The following INTS11 variants were observed in gnomAD, a reference collection of about 807,000 sequenced individuals.
The protein encoded by INTS11 is integrator complex subunit 11.
INTS11 carries 77 observed loss-of-function variants against 78.6 expected under a neutral mutation model. That is an observed-to-expected ratio of 0.98 (90% CI 0.81 to 1.18). The LOEUF (loss-of-function observed/expected upper bound fraction) is 1.18, where lower values mean the gene tolerates loss of function less well. Ranked by LOEUF, INTS11 falls within the 50% of genes most tolerant of loss-of-function variation. INTS11 has a pLI of 0.00. For missense variants in INTS11, 875 were observed against 825.9 expected, an observed-to-expected ratio of 1.06 and a Z score of -0.73; for synonymous variants, 441 against 326.9, an observed-to-expected ratio of 1.35 and a Z score of -3.77.
At chr1:1,315,668 G>A (rs771305243) in intron 4 of INTS11, 50 bp from the exon 5 acceptor site, 34 of 1,312,172 alleles carry the variant, frequency 2.6e-5, no homozygotes, top group Admixed American at 1.8e-4. Flanking sequence ...GCAGAGGGGC[G>A]GGGAGTGAGG....
At position 1,312,844 on chromosome 1, in the gene INTS11, C is replaced by T; in HGVS notation, c.1237G>A (p.Val413Met). The T allele has an allele frequency of 1.2e-6, 2 of 1,612,054 alleles. No individual in the cohort carries two copies. The highest frequency in any genetic ancestry group is 1.7e-6 in the Non-Finnish European group (2 of 1,179,814). The part of the protein sequence containing the change: ...GQAEPESVLL[V>M]HGEAKKMEFL... The stretch of plus-strand genomic sequence containing the variant: ...TCCATCTTCTTGGCCTCGCCATGCA[C>T]CAGCAGCACGCTCTCCGGCTCTGCC... The change falls in exon 12 of 17, where the codon GTG (valine) becomes ATG (methionine). Residue 413 changes from valine to methionine, a missense_variant. Coordinates refer to ENST00000435064, the MANE Select transcript of INTS11 (RefSeq NM_017871.6).
chr1:1,312,213 G>GGGGGGGGGGGGGGGC lies in INTS11; in HGVS notation c.1607+12_1607+13insGCCCCCCCCCCCCCC. ...CCCAAGGGAGTGGGGGGGGGGCGGG[G>GGGGGGGGGGGGGGGC]CCGGGCGCCCACCTCTTGAGGTGGC... is the stretch of plus-strand genomic sequence containing the variant. On this transcript the variant is annotated intron_variant, in intron 15 of 16. Transcript: ENST00000435064. 2.1e-5 allele frequency: 20 copies of GGGGGGGGGGGGGGGC among 934,618 alleles called. No homozygotes were observed. Among genetic ancestry groups the GGGGGGGGGGGGGGGC allele is most frequent in the South Asian group, 4.5e-5 (3 of 67,392 alleles). The allele number at this position is 934,618 out of a possible 1,614,324, so 57.9% of individuals were successfully genotyped here.
At chr1:1,311,977 A>G in intron 16 of INTS11, 41 bp downstream of exon 16, 1 of 1,597,482 alleles carries the variant, frequency 6.3e-7, no homozygotes, top group Non-Finnish European at 8.5e-7. Context: ...AGGAATGTTG[A>G]TACCTGTGTT....
intron 8 of INTS11, 39 bp from the exon 9 acceptor site, chr1:1,313,960 G>A: frequency 6.3e-7 from 1 of 1,591,000 alleles, no homozygotes; most frequent in Non-Finnish European, 8.6e-7. Flanking sequence ...TGGCCACAGG[G>A]GAGAATGCTG....
chr1:1,323,271 C>T (rs939824597), intron 1 of INTS11: 22 of 1,550,080 alleles, frequency 1.4e-5, no homozygotes, highest in South Asian at 2.4e-5. Context: ...GGTTCCAGGA[C>T]AGCACAGGGC....
In INTS11 at chr1:1,312,070, G is replaced by T; in HGVS notation, c.1685C>A (p.Ala562Asp). The T allele has an allele frequency of 6.4e-7, 1 of 1,572,886 alleles. No individual in the cohort carries two copies. The highest frequency in any genetic ancestry group is 8.6e-7 in the Non-Finnish European group (1 of 1,158,022). The part of the protein sequence containing the change: ...TVESVLLQAA[A>D]PSEDPGTKVL... Reference sequence around the variant, plus strand: ...CTTGGTGCCTGGGTCCTCAGAAGGGGCGGCGGCCTGGAGGAGGACGGACTC... The same window carrying T: ...CTTGGTGCCTGGGTCCTCAGAAGGGTCGGCGGCCTGGAGGAGGACGGACTC... The change falls in exon 16 of 17, where the codon GCC (alanine) becomes GAC (aspartate). Residue 562 changes from alanine (A) to aspartate (D), a missense_variant. Transcript: ENST00000435064.
chr1:1,319,107 A>C, intron 4 of INTS11, 189 bp downstream of exon 4: 1 of 764,614 alleles, frequency 1.3e-6, no homozygotes, highest in Non-Finnish European at 2.4e-6. Context: ...GTCGGCGCCC[A>C]GTCTGGTCTG....
chr1:1,320,431 C>T, intron 3 of INTS11, 25 bp downstream of exon 3: 1 of 1,611,892 alleles, frequency 6.2e-7, no homozygotes, highest in Non-Finnish European at 8.5e-7. Context: ...ACATGGGACC[C>T]TCAAGGCCCC....
In INTS11 at chr1:1,320,527, T is replaced by C. The variant is rs1642881980; in HGVS notation, c.129A>G (p.Arg43=). Residue 43 remains arginine (R), a splice_region_variant and synonymous_variant, in exon 3 of 17, where the codon CGA becomes CGG. Coordinates refer to ENST00000435064, the MANE Select transcript of INTS11 (RefSeq NM_017871.6). The part of the protein sequence containing the change: ...CGMHMGFNDD[R]RFPDFSYITQ... ...TGATGTAGGAGAAGTCAGGGAAGCG[T>C]CGCTAGGAAGGATGTGGGGGTTTCA... 1.2e-6 allele frequency: 2 copies of C among 1,613,614 alleles called. No homozygotes were observed. Among genetic ancestry groups the C allele is most frequent in the Admixed American group, 1.7e-5 (1 of 59,990 alleles).
chr1:1,323,384 C>T (rs1185926292), intron 1 of INTS11: 5 of 1,364,878 alleles, frequency 3.7e-6, no homozygotes, highest in East Asian at 5.1e-5. Context: ...TTTTTTCCTT[C>T]TTCACATCGT....
rs1404771663 is a variant in INTS11 at position 1,314,058 on chromosome 1, T to TC, written c.768-138dup. The TC allele has an allele frequency of 2.2e-6, 2 of 900,126 alleles. No individual in the cohort carries two copies. The highest frequency in any genetic ancestry group is 3.4e-6 in the Non-Finnish European group (2 of 583,330). 55.8% of individuals were successfully genotyped at this position (900,126 alleles called of 1,614,324 possible). A position where few individuals can be genotyped will look rare whatever the true frequency, so the allele number is the denominator to read the frequency against. On this transcript the variant is annotated intron_variant, in intron 8 of 16. Transcript: ENST00000435064. The surrounding 1 kb of genome is among the most constrained non-coding windows in gnomAD (Gnocchi z 4.2). ...GGTTGAGTCCAGTCGCGACCACTTG[T>TC]CCCATTAAGCCCTGCAGCAGCCGGG...
rs372312823 is a variant in INTS11 at position 1,313,692 on chromosome 1, C to T, written c.957+40G>A. 27 of 1,609,784 alleles carry T rather than the reference C, an allele frequency of 1.7e-5. No individual in the cohort carries two copies. In the African/African-American group the frequency reaches 1.7e-4, roughly 10 times the overall value. ...ACACCTGCGGAAGACAGGAGACCGACGGGTGTGGATGTGCTGGCCGGCCCT... is the reference window on the plus strand; with the variant it reads ...ACACCTGCGGAAGACAGGAGACCGATGGGTGTGGATGTGCTGGCCGGCCCT... On this transcript the variant is annotated intron_variant, in intron 9 of 16. Coordinates refer to ENST00000435064, the MANE Select transcript of INTS11 (RefSeq NM_017871.6).
At position 1,312,719 on chromosome 1, in the gene INTS11, G is replaced by C. The variant is rs1400614843; in HGVS notation, c.1295-19C>G. 1.9e-6 allele frequency: 3 copies of C among 1,589,836 alleles called. No homozygotes were observed. Among genetic ancestry groups the C allele is most frequent in the South Asian group, 1.1e-5 (1 of 88,604 alleles). On this transcript the variant is annotated intron_variant, in intron 12 of 16. Transcript: ENST00000435064. ...TTGACCCCTGGACCCCGGGGGAAGA[G>C]AGAGCCTCAGCCCAGGCTGCCCGTG...
chr1:1,314,460 G>T lies in INTS11; in HGVS notation c.703-95C>A. On this transcript the variant is annotated intron_variant, in intron 7 of 16. Coordinates refer to ENST00000435064, the MANE Select transcript of INTS11 (RefSeq NM_017871.6). This position sits in a 1 kb window ranked among gnomAD's most constrained non-coding sequence, Gnocchi z 4.2. ...GCACGGCCAGGTGCCCAAGAGCTGC[G>T]GCCTCATAGGGACCTTAGCCTCTCA... 1 of 1,088,846 alleles carries T rather than the reference G, an allele frequency of 9.2e-7. No homozygotes were observed. Among genetic ancestry groups the T allele is most frequent in the South Asian group, 1.5e-5 (1 of 66,152 alleles). 67.4% of individuals were successfully genotyped at this position (1,088,846 alleles called of 1,614,324 possible).
intron 1 of INTS11, chr1:1,323,145 AC>A: frequency 6.5e-7 from 1 of 1,548,934 alleles, no homozygotes; most frequent in Non-Finnish European, 8.7e-7. Flanking sequence ...CAGTGTCCAC[AC>A]CGGGGCGGGG....
chr1:1,315,996 G>T (rs571135962), intron 4 of INTS11, among the ~76,000 whole-genome samples: 123 of 152,320 alleles, frequency 8.1e-4, no homozygotes, highest in African/African-American at 2.9e-3. Flanking sequence ...TTCCAGCGTG[G>T]ACTTTGAATA....
Position 1,311,848 on chromosome 1 carries a change from A to G in INTS11, c.*11T>C. 1 of 1,541,936 alleles carries G rather than the reference A, an allele frequency of 6.5e-7. No individual in the cohort carries two copies. The highest frequency in any genetic ancestry group is 8.7e-7 in the Non-Finnish European group (1 of 1,144,074). Reference sequence around the variant, plus strand: ...AGAGGGCAGAGGTGGCGGCTGGGTGAGTTGCCGGCCTCAGCTGGGGGCCTG... The same window carrying G: ...AGAGGGCAGAGGTGGCGGCTGGGTGGGTTGCCGGCCTCAGCTGGGGGCCTG... On this transcript the variant is annotated 3_prime_UTR_variant, in exon 17 of 17. Transcript: ENST00000435064.
At chr1:1,315,683 C>A (rs901807727) in intron 4 of INTS11, 65 bp from the exon 5 acceptor site, 59 of 298,346 alleles carry the variant, frequency 2.0e-4, no homozygotes, top group Non-Finnish European at 3.1e-4. Context: ...GTGAGGGAGG[C>A]GGGGGACGGG....
chr1:1,314,978 G>T lies in INTS11; in HGVS notation c.564-16C>A. On this transcript the variant is annotated splice_polypyrimidine_tract_variant and intron_variant, in intron 6 of 16. Transcript: ENST00000435064. This position sits in a 1 kb window ranked among gnomAD's most constrained non-coding sequence, Gnocchi z 4.2. The stretch of plus-strand genomic sequence containing the variant: ...CCAGGCAGCTCTGGAACACGGGGGT[G>T]GGGGTGTGAGCCACGATGCACTGTC... 1 of 1,610,718 alleles carries T rather than the reference G, an allele frequency of 6.2e-7. No homozygotes were observed. Among genetic ancestry groups the T allele is most frequent in the African/African-American group, 1.3e-5 (1 of 75,026 alleles).
Sources: allele counts gnomAD v4.1 joint callset (sites outside exome capture counted in the v4.1 genomes callset), GRCh38; gene constraint gnomAD v4.1.1; non-coding constraint Gnocchi (gnomAD v3.1); transcripts MANE v1.5; gene names NCBI Gene and HGNC (gene_info 2026-07-23, HGNC 2026-07-21).